CAMK4: variants seen among roughly 807,000 people sequenced by gnomAD.
CAMK4 encodes the protein calcium/calmodulin-dependent protein kinase type IV.
In CAMK4, 22 loss-of-function variants were observed where a neutral mutation model predicts 44.9. The observed-to-expected ratio is 0.49, with a 90% CI of 0.35 to 0.70. The LOEUF (loss-of-function observed/expected upper bound fraction) is 0.70, where lower values mean the gene tolerates loss of function less well. Ranked by LOEUF, CAMK4 falls within the 30% of genes least tolerant of loss-of-function variation. The pLI is 0.01. For missense variants in CAMK4, 498 were observed against 586.8 expected (o/e 0.85, Z 1.56); for synonymous variants, 218 against 215.4 (o/e 1.01, Z -0.11).
At chr5:111,356,404 C>T (rs1428857835) in intron 2 of CAMK4, among the ~76,000 whole-genome samples, 1 of 152,138 alleles carries the variant, frequency 6.6e-6, no homozygotes, top group Non-Finnish European at 1.5e-5. Flanking sequence ...TGGATATTAG[C>T]CCTTTGTCAG....
At chr5:111,351,382 G>A (rs933499836) in intron 2 of CAMK4, among the ~76,000 whole-genome samples, 29 of 151,474 alleles carry the variant, frequency 1.9e-4, no homozygotes, top group Admixed American at 1.9e-3. Flanking sequence ...AAGGAAACTG[G>A]CAACTTGGAA....
At chr5:111,380,625 T>C (rs1202072089) in intron 4 of CAMK4, among the ~76,000 whole-genome samples, 1 of 152,216 alleles carries the variant, frequency 6.6e-6, no homozygotes, top group Non-Finnish European at 1.5e-5. Flanking sequence ...TTTGGTTTTC[T>C]GTTCTTGTGT....
At chr5:111,426,859 C>T (rs541239072) in intron 5 of CAMK4, among the ~76,000 whole-genome samples, 42 of 152,298 alleles carry the variant, frequency 2.8e-4, no homozygotes, top group Non-Finnish European at 5.3e-4. Context: ...ACTTGAGTTT[C>T]CACAAACCTC....
intron 2 of CAMK4, among the ~76,000 whole-genome samples, chr5:111,345,064 AT>A (rs369510213): frequency 0.11 from 15,975 of 151,626 alleles, 1,386 homozygotes; most frequent in African/African-American, 0.23. Flanking sequence ...AGGCCAAGGA[AT>A]TTTTTTTCCT....
At chr5:111,425,770 A>T (rs752128825) in intron 5 of CAMK4, among the ~76,000 whole-genome samples, 9 of 152,214 alleles carry the variant, frequency 5.9e-5, no homozygotes, top group Non-Finnish European at 1.0e-4. Context: ...TGAAATTTTC[A>T]TGTGATGAAC....
At chr5:111,249,666 A>ATG (rs3066628) in intron 1 of CAMK4, among the ~76,000 whole-genome samples, 6,539 of 140,558 alleles carry the variant, frequency 0.047, 170 homozygotes, top group East Asian at 0.059. Context: ...GTGTATATAT[A>ATG]TGTGTGTGTG....
chr5:111,426,286 GATGTT>G (rs1479749215), intron 5 of CAMK4, among the ~76,000 whole-genome samples: 1 of 152,204 alleles, frequency 6.6e-6, no homozygotes, highest in African/African-American at 2.4e-5. Context: ...TAAGGCAAGA[GATGTT>G]ATGTTAAAGT....
intron 7 of CAMK4, among the ~76,000 whole-genome samples, chr5:111,454,657 A>AG (rs1554073111): frequency 1.3e-5 from 2 of 151,638 alleles, no homozygotes; most frequent in Non-Finnish European, 2.9e-5. Context: ...CAAAAAAAAA[A>AG]AAAAAAGAAA....
chr5:111,351,519 C>A (rs904047387), intron 2 of CAMK4, among the ~76,000 whole-genome samples: 1 of 151,722 alleles, frequency 6.6e-6, no homozygotes, highest in African/African-American at 2.4e-5. Context: ...GATTCTCCTG[C>A]CTCAGCCTCC....
At chr5:111,376,171 A>G (rs1751205279) in intron 3 of CAMK4, among the ~76,000 whole-genome samples, 1 of 151,974 alleles carries the variant, frequency 6.6e-6, no homozygotes, top group Non-Finnish European at 1.5e-5. Flanking sequence ...CCACTTTTAC[A>G]TTATCCATCT....
At chr5:111,459,419 G>C (rs556198432) in intron 7 of CAMK4, among the ~76,000 whole-genome samples, 8 of 152,210 alleles carry the variant, frequency 5.3e-5, no homozygotes, top group East Asian at 1.9e-4. Context: ...AGGATCCAAG[G>C]CTATCAGCAA....
rs550729462 is a variant in CAMK4 at position 111,484,359 on chromosome 5, G to T, written c.1315G>T (p.Glu439Ter). 1.1e-5 allele frequency: 18 copies of T among 1,611,934 alleles called. No individual in the cohort carries two copies. In the African/African-American group the frequency reaches 2.1e-4, roughly 19 times the overall value. ...GGAACTAGAGGAGGGCCTAGCAGAGGAGAAGCTGAAGACTGTGGAGGAGGC... is the reference window on the plus strand; with the variant it reads ...GGAACTAGAGGAGGGCCTAGCAGAGTAGAAGCTGAAGACTGTGGAGGAGGC... The part of the protein sequence containing the change: ...DLELEEGLAE[E>*]KLKTVEEAAA... The change falls in exon 11 of 11, where the codon GAG (glutamate) becomes TAG (stop). Residue 439 changes from glutamate to a stop codon, truncating the protein, a stop_gained. Coordinates refer to ENST00000282356, the MANE Select transcript of CAMK4 (RefSeq NM_001744.6). LOFTEE classifies it low-confidence loss of function (END_TRUNC). The surrounding 1 kb of genome is among the most constrained non-coding windows in gnomAD (Gnocchi z 5.3).
rs80202434 is a variant in CAMK4, at chr5:111,229,634, T to G, written c.161+4990T>G. ...CTTGATTTTTTCCGACACCATGCTT[T>G]AGGGCCCCATGGCCTATCTGGGTAG... On this transcript the variant is annotated intron_variant, in intron 1 of 10. Transcript: ENST00000282356. 6.6e-3 allele frequency among the ~76,000 whole-genome samples: 998 copies of G among 152,338 alleles called. 13 individuals carry two copies. The highest frequency in any genetic ancestry group is 0.023 in the African/African-American group (951 of 41,574).
intron 7 of CAMK4, among the ~76,000 whole-genome samples, chr5:111,462,690 C>T (rs893446113): frequency 6.6e-6 from 1 of 152,194 alleles, no homozygotes; most frequent in African/African-American, 2.4e-5. Flanking sequence ...TGACCAAAAT[C>T]GTCCCTTTTA....
chr5:111,286,304 A>G (rs528215941), intron 1 of CAMK4, among the ~76,000 whole-genome samples: 53 of 152,302 alleles, frequency 3.5e-4, no homozygotes, highest in Middle Eastern at 3.4e-3. Flanking sequence ...CCGGTGTTGT[A>G]TAGGTGTGCC....
chr5:111,252,134 A>C (rs1017350459), intron 1 of CAMK4, among the ~76,000 whole-genome samples: 1 of 152,198 alleles, frequency 6.6e-6, no homozygotes, highest in African/African-American at 2.4e-5. Context: ...TATTCATGGC[A>C]GCTCTGGGAA....
chr5:111,474,622 A>G (rs182565893), intron 8 of CAMK4, among the ~76,000 whole-genome samples: 80 of 152,348 alleles, frequency 5.3e-4, no homozygotes, highest in African/African-American at 1.9e-3. Flanking sequence ...CCGTAGCAGA[A>G]TGCTTTTAAT....
chr5:111,258,023 G>A (rs1382325597), intron 1 of CAMK4, among the ~76,000 whole-genome samples: 1 of 152,148 alleles, frequency 6.6e-6, no homozygotes, highest in Non-Finnish European at 1.5e-5. Context: ...TGTCGGGGGA[G>A]GGAGAGTATC....
intron 5 of CAMK4, among the ~76,000 whole-genome samples, chr5:111,423,612 C>T (rs1052520584): frequency 6.6e-6 from 1 of 152,204 alleles, no homozygotes; most frequent in Non-Finnish European, 1.5e-5. Context: ...GGCTCTCGAT[C>T]CTGCAGATTT....
Sources: gnomAD v4.1 joint callset for allele counts (sites outside exome capture counted in the v4.1 genomes callset) on GRCh38, gnomAD v4.1.1 for gene constraint, Gnocchi (gnomAD v3.1) non-coding constraint, MANE v1.5 for transcripts, NCBI Gene and HGNC (gene_info 2026-07-23, HGNC 2026-07-21) for gene names.